HSD11B1: variants seen among roughly 807,000 people sequenced by gnomAD.
HSD11B1 encodes the protein 11-beta-hydroxysteroid dehydrogenase 1.
HSD11B1 carries 15 observed loss-of-function variants against 22.1 expected under a neutral mutation model. The ratio of observed to expected loss-of-function variants is 0.68; its 90% CI spans 0.45 to 1.04. The LOEUF (loss-of-function observed/expected upper bound fraction) is 1.04. HSD11B1 is among the 50% of genes least tolerant of loss of function. HSD11B1 has a pLI of 0.00. For synonymous variants in HSD11B1, 122 were observed against 125.2 expected, an observed-to-expected ratio of 0.97 and a Z score of 0.17; for missense variants, 281 against 357.6, an observed-to-expected ratio of 0.79 and a Z score of 1.73.
intron 1 of HSD11B1, among the ~76,000 whole-genome samples, chr1:209,693,186 C>T (rs1460378921): frequency 6.6e-6 from 1 of 152,144 alleles, no homozygotes; most frequent in Admixed American, 6.5e-5. Context: ...AGACTGTTGC[C>T]AAACCCTCAA....
chr1:209,706,993 C>G lies in HSD11B1; in HGVS notation c.382C>G (p.Leu128Val). ...LNHITNTSLNLFHDDIHHVRK... is the reference protein window; with the variant it reads ...LNHITNTSLNVFHDDIHHVRK... The stretch of plus-strand genomic sequence containing the variant: ...CCACATCACCAACACTTCTTTGAAT[C>G]TTTTTCATGATGATATTCACCATGT... Residue 128 changes from leucine (L) to valine (V), a missense_variant, in exon 4 of 6, where the codon CTT (leucine) becomes GTT (valine). Leu to Val is a conservative substitution (Grantham distance 32, BLOSUM62 1). Coordinates refer to ENST00000367027, the MANE Select transcript of HSD11B1 (RefSeq NM_005525.4). The surrounding 1 kb of genome is among the most constrained non-coding windows in gnomAD (Gnocchi z 4.0). 6 of 1,614,100 alleles carry G rather than the reference C, an allele frequency of 3.7e-6. No homozygotes were observed. Among genetic ancestry groups the G allele is most frequent in the Non-Finnish European group, 4.2e-6 (5 of 1,179,954 alleles).
intron 4 of HSD11B1, among the ~76,000 whole-genome samples, chr1:209,729,349 A>C (rs1393476622): frequency 6.8e-6 from 1 of 147,408 alleles, no homozygotes. Flanking sequence ...ACAGAGCAAG[A>C]CTCTGCCTCG....
chr1:209,712,826 G>A (rs999610681), intron 4 of HSD11B1, among the ~76,000 whole-genome samples: 9 of 152,102 alleles, frequency 5.9e-5, no homozygotes, highest in Admixed American at 2.6e-4. Flanking sequence ...CAAGGCAGAC[G>A]GATCACGAGG....
chr1:209,697,104 T>C (rs1042855859), intron 1 of HSD11B1, among the ~76,000 whole-genome samples: 1 of 152,230 alleles, frequency 6.6e-6, no homozygotes, highest in Admixed American at 6.5e-5. Context: ...ACAGTGGGCA[T>C]TCATGGCCCT....
chr1:209,712,568 T>G (rs1233788040), intron 4 of HSD11B1, among the ~76,000 whole-genome samples: 5 of 152,190 alleles, frequency 3.3e-5, no homozygotes, highest in Non-Finnish European at 5.9e-5. Flanking sequence ...ATCTATGGAT[T>G]TGGGTATCCA....
At chr1:209,703,890 TGAGGA>T (rs2076839751), upstream of HSD11B1, among the ~76,000 whole-genome samples, 4 of 152,230 alleles carry the variant, frequency 2.6e-5, no homozygotes, top group South Asian at 8.3e-4. Flanking sequence ...ATTCTTTCTT[TGAGGA>T]TTATTCCTTA....
chr1:209,715,420 A>T (rs929523948), intron 4 of HSD11B1, among the ~76,000 whole-genome samples: 1 of 152,162 alleles, frequency 6.6e-6, no homozygotes, highest in Non-Finnish European at 1.5e-5. Context: ...ACTAAAAAAA[A>T]AAACAACAAC....
chr1:209,713,602 C>T lies in HSD11B1; in HGVS notation c.517+6474C>T, dbSNP rs139690366. Among the ~76,000 whole-genome samples the T allele has an allele frequency of 2.0e-5, 3 of 152,284 alleles. No homozygotes were observed. In the East Asian group the frequency reaches 5.8e-4, roughly 29 times the overall value. The stretch of plus-strand genomic sequence containing the variant: ...TCAATGGATTGGTTCCAGGACCTCC[C>T]ACAGATACCAAAATCCATGGATGCT... On this transcript the variant is annotated intron_variant, in intron 4 of 5. Transcript: ENST00000367027.
upstream of HSD11B1, among the ~76,000 whole-genome samples, chr1:209,703,901 C>A (rs2076839816): frequency 6.6e-6 from 1 of 152,146 alleles, no homozygotes; most frequent in Admixed American, 6.6e-5. Flanking sequence ...GAGGATTATT[C>A]CTTAATGAAT....
Position 209,706,659 on chromosome 1 carries a change from C to T in HSD11B1, c.220-50C>T. ...CCCCCCGTTACTTCAGAGACTACCC[C>T]CCAAAAATCTGCAGCTAAGACTGAT... On this transcript the variant is annotated intron_variant, in intron 2 of 5. Transcript: ENST00000367027. This position sits in a 1 kb window ranked among gnomAD's most constrained non-coding sequence, Gnocchi z 4.0. 1 of 1,291,340 alleles carries T rather than the reference C, an allele frequency of 7.7e-7. No homozygotes were observed. The highest frequency in any genetic ancestry group is 1.1e-6 in the Non-Finnish European group (1 of 887,214). The allele number at this position is 1,291,340 out of a possible 1,614,324, so 80.0% of individuals were successfully genotyped here. A position where few individuals can be genotyped will look rare whatever the true frequency, so the allele number is the denominator to read the frequency against.
intron 4 of HSD11B1, among the ~76,000 whole-genome samples, chr1:209,716,005 T>C (rs1270821604): frequency 6.6e-6 from 1 of 152,164 alleles, no homozygotes; most frequent in Non-Finnish European, 1.5e-5. Flanking sequence ...ACTGGAAACC[T>C]TTCCTCTAAT....
intron 4 of HSD11B1, among the ~76,000 whole-genome samples, chr1:209,712,825 C>T (rs553848527): frequency 2.8e-4 from 43 of 152,216 alleles, no homozygotes; most frequent in East Asian, 1.7e-3. Context: ...CCAAGGCAGA[C>T]GGATCACGAG....
At position 209,706,287 on chromosome 1, in the gene HSD11B1, G is replaced by C. The variant is rs533129707; in HGVS notation, c.219+346G>C. On this transcript the variant is annotated intron_variant, in intron 2 of 5. Coordinates refer to ENST00000367027, the MANE Select transcript of HSD11B1 (RefSeq NM_005525.4). The surrounding 1 kb of genome is among the most constrained non-coding windows in gnomAD (Gnocchi z 4.0). ...TTCAAAAACTGAAATCCCAGTACCT[G>C]CTTATGAATACATATCCTCATACCC... 1.1e-4 allele frequency among the ~76,000 whole-genome samples: 16 copies of C among 152,210 alleles called. No homozygotes were observed. Among genetic ancestry groups the C allele is most frequent in the African/African-American group, 3.1e-4 (13 of 41,518 alleles).
intron 4 of HSD11B1, among the ~76,000 whole-genome samples, chr1:209,726,276 TAAAAAAAA>T (rs60207937): frequency 2.4e-5 from 2 of 81,944 alleles, no homozygotes. Context: ...TGAGACTCCG[TAAAAAAAA>T]AAAAAAAAAA....
rs2102404473 is a variant in HSD11B1 at position 209,734,824 on chromosome 1, T to C, written c.*303T>C. On this transcript the variant is annotated 3_prime_UTR_variant, in exon 6 of 6. Coordinates refer to ENST00000367027, the MANE Select transcript of HSD11B1 (RefSeq NM_005525.4). ...ATAATATGTGATGATTAATACAATATTAATTATAATAAAGGTCACATAAAC... is the reference window on the plus strand; with the variant it reads ...ATAATATGTGATGATTAATACAATACTAATTATAATAAAGGTCACATAAAC... 1 of 164,492 alleles carries C rather than the reference T, an allele frequency of 6.1e-6. No homozygotes were observed. The highest frequency in any genetic ancestry group is 2.4e-5 in the African/African-American group (1 of 41,690). The allele number at this position is 164,492 out of a possible 1,614,324, so 10.2% of individuals were successfully genotyped here. A position where few individuals can be genotyped will look rare whatever the true frequency, so the allele number is the denominator to read the frequency against.
intron 1 of HSD11B1, 109 bp from the exon 2 acceptor site, chr1:209,705,702 C>T (rs999454618): frequency 1.5e-6 from 2 of 1,366,608 alleles, no homozygotes; most frequent in Non-Finnish European, 2.1e-6. Context: ...GATCTGGGCT[C>T]ATAACCTTTA....
At chr1:209,722,640 T>G (rs1045433696) in intron 4 of HSD11B1, among the ~76,000 whole-genome samples, 3 of 152,284 alleles carry the variant, frequency 2.0e-5, no homozygotes, top group Admixed American at 2.0e-4. Flanking sequence ...GTTTAGACCA[T>G]GAGGGTCTCA....
In HSD11B1 at chr1:209,732,542, A is replaced by G; in HGVS notation, c.624A>G (p.Val208=). 1.2e-6 allele frequency: 2 copies of G among 1,613,992 alleles called. No homozygotes were observed. Among genetic ancestry groups the G allele is most frequent in the Admixed American group, 1.7e-5 (1 of 60,010 alleles). The change falls in exon 5 of 6, where the codon GTA becomes GTG. Residue 208 remains valine, a synonymous_variant. Transcript: ENST00000367027. ...RKEYSVSRVN[V]SITLCVLGLI... ...AATATTCAGTGTCCAGGGTCAATGTATCAATCACTCTCTGTGTTCTTGGCC... is the reference window on the plus strand; with the variant it reads ...AATATTCAGTGTCCAGGGTCAATGTGTCAATCACTCTCTGTGTTCTTGGCC...
chr1:209,698,065 GA>G (rs1410000037), intron 1 of HSD11B1, among the ~76,000 whole-genome samples: 2 of 151,102 alleles, frequency 1.3e-5, no homozygotes, highest in Non-Finnish European at 3.0e-5. Flanking sequence ...TTCCTTTCAA[GA>G]CATCTTTCCT....
Sources: allele counts gnomAD v4.1 joint callset (sites outside exome capture counted in the v4.1 genomes callset), GRCh38; gene constraint gnomAD v4.1.1; non-coding constraint Gnocchi (gnomAD v3.1); transcripts MANE v1.5; gene names NCBI Gene and HGNC (gene_info 2026-07-23, HGNC 2026-07-21).